GMEB1: variants seen among roughly 807,000 people sequenced by gnomAD.
GMEB1 encodes glucocorticoid modulatory element binding protein 1.
In GMEB1, 6 loss-of-function variants were observed where a neutral mutation model predicts 52.4. The ratio of observed to expected loss-of-function variants is 0.11; its 90% confidence interval spans 0.06 to 0.23. The LOEUF is 0.23. Ranked by LOEUF, GMEB1 falls within the 10% of genes least tolerant of loss-of-function variation. GMEB1 has a pLI of 1.00. For synonymous variants in GMEB1, 255 were observed against 244.9 expected, an observed-to-expected ratio of 1.04 and a Z score of -0.38; for missense variants, 486 against 685.6, an observed-to-expected ratio of 0.71 and a Z score of 3.25.
chr1:28,697,073 C>T lies in GMEB1; in HGVS notation c.587C>T (p.Thr196Ile), dbSNP rs1410331330. ...GQQTSVVQTP[T>I]SADGSITQIA... is the part of the protein sequence containing the mutation. ...CAGACAAGTGTGGTGCAGACACCCA[C>T]TTCGGCTGATGGTAGGGGGTAGGAA... Residue 196 changes from threonine to isoleucine, a missense_variant, in exon 6 of 10, where the codon ACT (threonine) becomes ATT (isoleucine). Physicochemically the swap from Thr to Ile is moderately conservative, Grantham distance 89. Coordinates refer to ENST00000373816, the MANE Select transcript of GMEB1 (RefSeq NM_001319674.2). 1.9e-6 allele frequency: 3 copies of T among 1,603,658 alleles called. No individual in the cohort carries two copies. The highest frequency in any genetic ancestry group is 4.5e-5 in the East Asian group (2 of 44,530).
At chr1:28,695,765 C>T (rs1670171890) in intron 5 of GMEB1, among the ~76,000 whole-genome samples, 1 of 144,332 alleles carries the variant, frequency 6.9e-6, no homozygotes, top group Admixed American at 6.9e-5. Context: ...GGTGAAACCC[C>T]GTCTCTACTA....
rs1669507966 is a variant in GMEB1, at chr1:28,683,847, CAG to C, written c.128+110_128+111del. The C allele has an allele frequency of 4.7e-6, 5 of 1,058,462 alleles. No individual in the cohort carries two copies. In the East Asian group the frequency reaches 1.2e-4, roughly 26 times the overall value. 65.6% of individuals were successfully genotyped at this position (1,058,462 alleles called of 1,614,324 possible). A position where few individuals can be genotyped will look rare whatever the true frequency, so the allele number is the denominator to read the frequency against. Reference sequence around the variant, plus strand: ...GCACAATGGAACATTTAACATCAATCAGAGCTGGCTCAGTTTTCATCTGTATA... The same window carrying C: ...GCACAATGGAACATTTAACATCAATCAGCTGGCTCAGTTTTCATCTGTATA... On this transcript the variant is annotated intron_variant, in intron 2 of 9. Coordinates refer to ENST00000373816, the MANE Select transcript of GMEB1 (RefSeq NM_001319674.2).
chr1:28,706,333 T>C (rs1427116303), intron 8 of GMEB1, among the ~76,000 whole-genome samples: 5 of 147,366 alleles, frequency 3.4e-5, no homozygotes, highest in Non-Finnish European at 6.0e-5. Flanking sequence ...GGCCAGGCGT[T>C]GTGGCTCACG....
Position 28,671,597 on chromosome 1 carries a change from T to G in GMEB1, c.-31+2758T>G, listed in dbSNP as rs142708190. ...TCTACAAAAAATGACAAAAATTAGA[T>G]GGGCGTGGTGGAGCTAGTTGCCTGT... is the stretch of plus-strand genomic sequence containing the variant. On this transcript the variant is annotated intron_variant, in intron 1 of 9. Coordinates refer to ENST00000373816, the MANE Select transcript of GMEB1 (RefSeq NM_001319674.2). Among the ~76,000 whole-genome samples the G allele has an allele frequency of 3.4e-3, 519 of 151,896 alleles. 1 individual carries two copies. The highest frequency in any genetic ancestry group is 0.012 in the African/African-American group (490 of 41,430).
At chr1:28,704,799 G>A (rs1269700083) in intron 8 of GMEB1, among the ~76,000 whole-genome samples, 1 of 152,052 alleles carries the variant, frequency 6.6e-6, no homozygotes, top group Admixed American at 6.6e-5. Context: ...GTAGAGACAG[G>A]GTTTTGCCAT....
Position 28,710,526 on chromosome 1 carries a change from C to G in GMEB1, c.875C>G (p.Ala292Gly). The G allele has an allele frequency of 6.2e-7, 1 of 1,601,566 alleles. No individual in the cohort carries two copies. Reference protein sequence around the residue: ...IQAPFQVTDAAVLNNVAHTFG... With the variant: ...IQAPFQVTDAGVLNNVAHTFG... ...TGTCTTTTGTTTTAAATAGATGCTG[C>G]TGTTCTCAACAATGTAGCACACACA... Residue 292 changes from alanine (A) to glycine (G), a missense_variant, in exon 9 of 10, where the codon GCT (alanine) becomes GGT (glycine). Ala to Gly is a moderately conservative substitution (Grantham distance 60). Around this residue, in one of 5 missense-constraint regions of GMEB1, gnomAD observed 200 missense variants for 253.5 expected, o/e 0.79. Transcript: ENST00000373816.
chr1:28,690,654 T>C (rs1457589533), intron 3 of GMEB1, among the ~76,000 whole-genome samples: 1 of 152,096 alleles, frequency 6.6e-6, no homozygotes, highest in Non-Finnish European at 1.5e-5. Context: ...TATACTTACA[T>C]TTAACACCTA....
At position 28,694,927 on chromosome 1, in the gene GMEB1, G is replaced by A. The variant is rs544833338; in HGVS notation, c.440+1882G>A. 1.3e-4 allele frequency among the ~76,000 whole-genome samples: 19 copies of A among 148,774 alleles called. No individual in the cohort carries two copies. In the South Asian group the frequency reaches 2.3e-3, roughly 18 times the overall value. On this transcript the variant is annotated intron_variant, in intron 5 of 9. Transcript: ENST00000373816. Reference sequence around the variant, plus strand: ...TCTGCCCACCTCAGCCTCCCAAAGTGTGGGGATTACAGGCGTGAGCCACCG... The same window carrying A: ...TCTGCCCACCTCAGCCTCCCAAAGTATGGGGATTACAGGCGTGAGCCACCG...
At chr1:28,678,804 C>T (rs1313638128) in intron 1 of GMEB1, among the ~76,000 whole-genome samples, 1 of 151,784 alleles carries the variant, frequency 6.6e-6, no homozygotes, top group Non-Finnish European at 1.5e-5. Flanking sequence ...CCAGGCTGGT[C>T]TTGAACTCCT....
intron 2 of GMEB1, among the ~76,000 whole-genome samples, chr1:28,687,376 A>C (rs1669708396): frequency 8.0e-6 from 1 of 124,602 alleles, no homozygotes; most frequent in Non-Finnish European, 1.7e-5. Flanking sequence ...ACACACACAC[A>C]CACACACACA....
chr1:28,702,591 A>G (rs752027898), intron 7 of GMEB1, 22 bp downstream of exon 7: 2 of 1,609,476 alleles, frequency 1.2e-6, no homozygotes, highest in Non-Finnish European at 8.5e-7. Flanking sequence ...TAGGGCTCAG[A>G]TGTCTTGCAG....
chr1:28,699,316 A>C (rs1038400779), intron 6 of GMEB1, among the ~76,000 whole-genome samples: 4 of 152,236 alleles, frequency 2.6e-5, no homozygotes, highest in Non-Finnish European at 4.4e-5. Flanking sequence ...CTTACTATAT[A>C]GTTGGATAAA....
intron 1 of GMEB1, 115 bp from the exon 2 acceptor site, chr1:28,683,468 G>A (rs190696255): frequency 1.7e-5 from 13 of 776,362 alleles, no homozygotes; most frequent in South Asian, 3.8e-5. Flanking sequence ...CAGGCGATCC[G>A]CCTGCCTAGC....
intron 7 of GMEB1, among the ~76,000 whole-genome samples, chr1:28,703,702 A>G (rs1234384427): frequency 6.6e-6 from 1 of 152,022 alleles, no homozygotes; most frequent in East Asian, 1.9e-4. Context: ...AAGAAAAGAC[A>G]TAGCCACCAC....
At chr1:28,685,367 G>T (rs565800100) in intron 2 of GMEB1, among the ~76,000 whole-genome samples, 1 of 152,050 alleles carries the variant, frequency 6.6e-6, no homozygotes, top group Non-Finnish European at 1.5e-5. Flanking sequence ...TTGCCACCGT[G>T]CCTGGCCAAT....
chr1:28,703,553 C>T (rs964238916), intron 7 of GMEB1, among the ~76,000 whole-genome samples: 6 of 151,816 alleles, frequency 4.0e-5, no homozygotes, highest in South Asian at 2.1e-4. Flanking sequence ...CCCAGCTACT[C>T]GGAGGCTGAG....
intron 1 of GMEB1, among the ~76,000 whole-genome samples, chr1:28,672,908 T>A (rs1668967682): frequency 6.6e-6 from 1 of 151,722 alleles, no homozygotes; most frequent in African/African-American, 2.4e-5. Flanking sequence ...CCAGATAATT[T>A]TTTTTTTTTT....
At chr1:28,685,526 G>A (rs558882072) in intron 2 of GMEB1, among the ~76,000 whole-genome samples, 39 of 152,134 alleles carry the variant, frequency 2.6e-4, no homozygotes, top group African/African-American at 4.8e-4. Context: ...ATGATGATTC[G>A]TAGGGAATGT....
chr1:28,677,744 T>TACAAA (rs1263777336), intron 1 of GMEB1, among the ~76,000 whole-genome samples: 2 of 152,204 alleles, frequency 1.3e-5, no homozygotes, highest in African/African-American at 4.8e-5. Flanking sequence ...CTTTATCACA[T>TACAAA]TCCTTTTTGG....
Sources: allele counts gnomAD v4.1 joint callset (sites outside exome capture counted in the v4.1 genomes callset), GRCh38; gene constraint gnomAD v4.1.1; regional missense constraint gnomAD v4.1.1; transcripts MANE v1.5; gene names NCBI Gene and HGNC (gene_info 2026-07-23, HGNC 2026-07-21).